The following ING5 variants were observed in gnomAD, a reference collection of about 807,000 sequenced individuals.
ING5 encodes inhibitor of growth protein 5.
A neutral mutation model predicts 37.4 loss-of-function variants in ING5; 17 were observed. That is an observed-to-expected ratio of 0.45 (90% CI 0.31 to 0.68). The LOEUF (loss-of-function observed/expected upper bound fraction) is 0.68, where lower values mean the gene tolerates loss of function less well. Ranked by LOEUF, ING5 falls within the 30% of genes least tolerant of loss-of-function variation. The pLI is 0.05. For synonymous variants in ING5, 123 were observed against 116.6 expected, an observed-to-expected ratio of 1.06 and a Z score of -0.36; for missense variants, 233 against 311.9, an observed-to-expected ratio of 0.75 and a Z score of 1.91.
At position 241,725,112 on chromosome 2, in the gene ING5, CT is replaced by C. The variant is rs1691560987; in HGVS notation, c.*82del. The C allele has an allele frequency of 2.1e-6, 3 of 1,446,460 alleles. No homozygotes were observed. Among genetic ancestry groups the C allele is most frequent in the Admixed American group, 1.7e-5 (1 of 58,774 alleles). The allele number at this position is 1,446,460 out of a possible 1,614,324, so 89.6% of individuals were successfully genotyped here. ...CGCAATATTTCCCTTCCTTTTAAAA[CT>C]ACCTTGTTCGGTTGATACTTAGTAA... On this transcript the variant is annotated 3_prime_UTR_variant, in exon 8 of 8. Coordinates refer to ENST00000313552, the MANE Select transcript of ING5 (RefSeq NM_032329.6).
chr2:241,724,050 C>G, intron 7 of ING5: 1 of 1,391,254 alleles, frequency 7.2e-7, no homozygotes, highest in Admixed American at 3.1e-5. Context: ...CTTTGTTTGC[C>G]TGTGCTGAAA....
At chr2:241,711,773 C>T (rs937407064) in intron 4 of ING5, 16 of 599,610 alleles carry the variant, frequency 2.7e-5, no homozygotes, top group Non-Finnish European at 4.8e-5. Context: ...TGGTGGTGCA[C>T]ACCTGTGGTC....
At chr2:241,706,612 C>T (rs944597283) in intron 2 of ING5, among the ~76,000 whole-genome samples, 7 of 119,234 alleles carry the variant, frequency 5.9e-5, no homozygotes, top group Non-Finnish European at 8.2e-5. Context: ...GCAACAAGAG[C>T]GAAACTCCAT....
intron 5 of ING5, chr2:241,719,837 C>G (rs1299016333): frequency 1.4e-6 from 2 of 1,402,312 alleles, no homozygotes; most frequent in Non-Finnish European, 1.8e-6. Context: ...AATGCGGAGC[C>G]TGGGAGCTCA....
chr2:241,696,677 T>C (rs2069634636), intron 2 of ING5, among the ~76,000 whole-genome samples: 2 of 151,834 alleles, frequency 1.3e-5, no homozygotes, highest in South Asian at 2.1e-4. Context: ...GTCCCAGATA[T>C]TGAGGGCTGA....
At chr2:241,692,273 A>G (rs189588571) in intron 2 of ING5, among the ~76,000 whole-genome samples, 1 of 152,068 alleles carries the variant, frequency 6.6e-6, no homozygotes. Flanking sequence ...AACATTATGA[A>G]ACCTTAACTT....
upstream of ING5, among the ~76,000 whole-genome samples, chr2:241,697,770 C>T (rs140131805): frequency 9.9e-4 from 150 of 152,260 alleles, 1 homozygote; most frequent in African/African-American, 3.3e-3. Context: ...TGACATTATA[C>T]ATTTGTCAAA....
chr2:241,719,381 A>G (rs1205449982), intron 5 of ING5: 1 of 521,392 alleles, frequency 1.9e-6, no homozygotes, highest in South Asian at 1.8e-5. Context: ...AACACCCCCC[A>G]CTCTGGCTGC....
At chr2:241,695,252 G>A (rs2069615122) in intron 2 of ING5, among the ~76,000 whole-genome samples, 2 of 151,888 alleles carry the variant, frequency 1.3e-5, no homozygotes, top group South Asian at 4.1e-4. Flanking sequence ...TGCTGTGCTG[G>A]AGAGGCCACA....
intron 2 of ING5, chr2:241,690,670 T>A (rs968105515): frequency 2.5e-6 from 1 of 398,466 alleles, no homozygotes; most frequent in African/African-American, 2.1e-5. Context: ...ACATCCACTT[T>A]ATAGGGGAAA....
Position 241,726,882 on chromosome 2 carries a change from C to T in ING5, c.*1851C>T, listed in dbSNP as rs1447629236. 1.3e-5 allele frequency: 2 copies of T among 152,226 alleles called. No homozygotes were observed. The highest frequency in any genetic ancestry group is 2.9e-5 in the Non-Finnish European group (2 of 68,080). 9.4% of individuals were successfully genotyped at this position (152,226 alleles called of 1,614,324 possible). A position where few individuals can be genotyped will look rare whatever the true frequency, so the allele number is the denominator to read the frequency against. On this transcript the variant is annotated 3_prime_UTR_variant, in exon 8 of 8. Transcript: ENST00000313552. ...TGATCTCGGCTCACTGCAAGCTCCGCCTCCCGGGTTCACGCCATTCTCCTG... is the reference window on the plus strand; with the variant it reads ...TGATCTCGGCTCACTGCAAGCTCCGTCTCCCGGGTTCACGCCATTCTCCTG...
At chr2:241,695,228 G>A (rs1451619241) in intron 2 of ING5, among the ~76,000 whole-genome samples, 1 of 151,832 alleles carries the variant, frequency 6.6e-6, no homozygotes, top group Non-Finnish European at 1.5e-5. Flanking sequence ...TGTGAGACCC[G>A]CTGCTACTGA....
At position 241,719,807 on chromosome 2, in the gene ING5, G is replaced by C; in HGVS notation, c.483-3132G>C. Reference sequence around the variant, plus strand: ...GCTTTTCCTGTCCTGACAGTGCGCTGACCAGCACTGTTTAGTAGCAATGCG... The same window carrying C: ...GCTTTTCCTGTCCTGACAGTGCGCTCACCAGCACTGTTTAGTAGCAATGCG... On this transcript the variant is annotated intron_variant, in intron 5 of 7. Coordinates refer to ENST00000313552, the MANE Select transcript of ING5 (RefSeq NM_032329.6). 4 of 1,434,748 alleles carry C rather than the reference G, an allele frequency of 2.8e-6. No individual in the cohort carries two copies. The South Asian group carries it at 6.0e-5, about 22-fold the overall frequency. 88.9% of individuals were successfully genotyped at this position (1,434,748 alleles called of 1,614,324 possible).
At chr2:241,709,495 T>C (rs933694946) in intron 3 of ING5, 113 bp downstream of exon 3, 1 of 969,442 alleles carries the variant, frequency 1.0e-6, no homozygotes, top group Non-Finnish European at 1.5e-6. Context: ...AGGCTGGCTT[T>C]GGTAGCTGAC....
At chr2:241,719,097 G>C (rs554026918) in intron 5 of ING5, among the ~76,000 whole-genome samples, 2 of 152,350 alleles carry the variant, frequency 1.3e-5, no homozygotes, top group East Asian at 1.9e-4. Context: ...TGAGGACCTT[G>C]AGGTTTCCTC....
chr2:241,704,494 G>A (rs931141457), intron 1 of ING5, among the ~76,000 whole-genome samples, 159 bp from the exon 2 acceptor site: 4 of 152,148 alleles, frequency 2.6e-5, no homozygotes, highest in African/African-American at 9.7e-5. Flanking sequence ...CTTGAACCTG[G>A]GAGGTGTAGG....
chr2:241,711,200 A>C (rs186754614), intron 3 of ING5, among the ~76,000 whole-genome samples, 177 bp from the exon 4 acceptor site: 12 of 152,346 alleles, frequency 7.9e-5, no homozygotes, highest in African/African-American at 2.9e-4. Flanking sequence ...TATGCAGAAA[A>C]AGCACAAGAC....
intron 5 of ING5, chr2:241,719,920 C>A: frequency 7.6e-7 from 1 of 1,310,668 alleles, no homozygotes; most frequent in Non-Finnish European, 9.7e-7. Flanking sequence ...GTTGCGGGGC[C>A]CTGCGGCTCT....
rs1367760259 is a variant in ING5 at position 241,727,198 on chromosome 2, G to C, written c.*2167G>C. On this transcript the variant is annotated 3_prime_UTR_variant, in exon 8 of 8. Transcript: ENST00000313552. ...ATGATCCGCCTGCGTCGGCTTCCCA[G>C]AGTGCTGGGATTACAGGTGTCAGCC... 6.6e-6 allele frequency: 1 copy of C among 152,214 alleles called. No homozygotes were observed. The highest frequency in any genetic ancestry group is 1.5e-5 in the Non-Finnish European group (1 of 68,058). 9.4% of individuals were successfully genotyped at this position (152,214 alleles called of 1,614,324 possible). A position where few individuals can be genotyped will look rare whatever the true frequency, so the allele number is the denominator to read the frequency against.
Sources: gnomAD v4.1 joint callset for allele counts (sites outside exome capture counted in the v4.1 genomes callset) on GRCh38, gnomAD v4.1.1 for gene constraint, MANE v1.5 for transcripts, NCBI Gene and HGNC (gene_info 2026-07-23, HGNC 2026-07-21) for gene names.